CCDC148: variants seen among roughly 807,000 people sequenced by gnomAD.
CCDC148 encodes the protein coiled-coil domain-containing protein 148.
In CCDC148, 89 loss-of-function variants were observed where a neutral mutation model predicts 85.7. That is an observed-to-expected ratio of 1.04 (90% CI 0.87 to 1.24). The LOEUF (loss-of-function observed/expected upper bound fraction) is 1.24. CCDC148 is among the 50% of genes most tolerant of loss of function. CCDC148 has a pLI of 0.00. For synonymous variants in CCDC148, 230 were observed against 213.9 expected (o/e 1.08, Z -0.66); for missense variants, 692 against 671.7 (o/e 1.03, Z -0.33).
intron 1 of CCDC148, among the ~76,000 whole-genome samples, chr2:158,429,757 T>C (rs560735538): frequency 6.6e-6 from 1 of 152,138 alleles, no homozygotes; most frequent in East Asian, 1.9e-4. Flanking sequence ...CTGGACAAAA[T>C]ATATAAAACC....
chr2:158,243,875 A>G (rs747812969), intron 10 of CCDC148, among the ~76,000 whole-genome samples: 4 of 143,904 alleles, frequency 2.8e-5, no homozygotes, highest in Non-Finnish European at 3.0e-5. Context: ...GAAAGAATCC[A>G]GGTGGCACCT....
At chr2:158,310,768 C>A (rs1178529241) in intron 8 of CCDC148, among the ~76,000 whole-genome samples, 1 of 144,550 alleles carries the variant, frequency 6.9e-6, no homozygotes, top group African/African-American at 2.6e-5. Flanking sequence ...ACAGGGCGGC[C>A]GGGCAGAGGC....
chr2:158,388,327 C>G (rs908678344), intron 1 of CCDC148, among the ~76,000 whole-genome samples: 3 of 152,060 alleles, frequency 2.0e-5, no homozygotes, highest in African/African-American at 7.2e-5. Context: ...TAACCAATGA[C>G]AAGGGCAGGG....
chr2:158,285,908 G>C (rs1259344619), intron 9 of CCDC148, among the ~76,000 whole-genome samples: 1 of 151,988 alleles, frequency 6.6e-6, no homozygotes, highest in Non-Finnish European at 1.5e-5. Context: ...CCTTATCAAT[G>C]CTTCTATTCA....
chr2:158,450,069 T>C (rs1395737233), intron 1 of CCDC148, among the ~76,000 whole-genome samples: 1 of 152,082 alleles, frequency 6.6e-6, no homozygotes, highest in Non-Finnish European at 1.5e-5. Flanking sequence ...TAGTAGGTAC[T>C]GTTGTCTTGC....
chr2:158,354,168 C>G (rs998983737), intron 2 of CCDC148, among the ~76,000 whole-genome samples: 1 of 151,728 alleles, frequency 6.6e-6, no homozygotes, highest in Non-Finnish European at 1.5e-5. Flanking sequence ...ATTAAAAGAA[C>G]TAGAAAAGCA....
intron 1 of CCDC148, among the ~76,000 whole-genome samples, chr2:158,363,570 A>G (rs183668574): frequency 2.6e-5 from 4 of 152,338 alleles, no homozygotes; most frequent in East Asian, 3.9e-4. Context: ...AAACCATATG[A>G]TTATCTCAAT....
intron 11 of CCDC148, among the ~76,000 whole-genome samples, chr2:158,191,459 G>C (rs139129565): frequency 1.5e-3 from 223 of 152,136 alleles, no homozygotes; most frequent in Middle Eastern, 6.8e-3. Context: ...AAGAAAGTCA[G>C]TGGAGCAGAA....
chr2:158,340,077 TA>T (rs1173515479), intron 5 of CCDC148, among the ~76,000 whole-genome samples, 164 bp downstream of exon 5: 74 of 152,206 alleles, frequency 4.9e-4, no homozygotes, highest in Non-Finnish European at 9.4e-4. Flanking sequence ...GGCATGTGTT[TA>T]AAATATTTAG....
chr2:158,280,224 G>A (rs534006622), intron 9 of CCDC148, among the ~76,000 whole-genome samples: 1 of 151,982 alleles, frequency 6.6e-6, no homozygotes, highest in African/African-American at 2.4e-5. Flanking sequence ...TCAACTAATG[G>A]GTGAAATAAC....
chr2:158,345,755 G>C (rs1288775038), intron 2 of CCDC148, among the ~76,000 whole-genome samples: 1 of 152,114 alleles, frequency 6.6e-6, no homozygotes, highest in African/African-American at 2.4e-5. Context: ...ATGTGGTCAA[G>C]ATTATAAAGC....
intron 10 of CCDC148, among the ~76,000 whole-genome samples, chr2:158,240,609 G>A (rs1005657339): frequency 1.1e-4 from 16 of 152,126 alleles, no homozygotes; most frequent in Non-Finnish European, 2.2e-4. Context: ...CCATCTCACA[G>A]GGACCTCTCT....
At chr2:158,445,658 A>G (rs1688128232) in intron 1 of CCDC148, among the ~76,000 whole-genome samples, 2 of 152,224 alleles carry the variant, frequency 1.3e-5, no homozygotes, top group South Asian at 4.1e-4. Context: ...AAGATATTCT[A>G]CTAAAACGTT....
intron 9 of CCDC148, among the ~76,000 whole-genome samples, chr2:158,278,790 G>A (rs574640795): frequency 7.2e-5 from 11 of 152,364 alleles, no homozygotes; most frequent in South Asian, 4.1e-4. Flanking sequence ...CTCCCAGCAC[G>A]CGGATGGAGA....
intron 10 of CCDC148, among the ~76,000 whole-genome samples, chr2:158,244,707 T>C (rs893310986): frequency 1.3e-5 from 2 of 152,176 alleles, no homozygotes; most frequent in Non-Finnish European, 2.9e-5. Context: ...CACTTGATAA[T>C]TTTAAGGTCT....
chr2:158,287,955 T>G (rs1331945792), intron 9 of CCDC148, among the ~76,000 whole-genome samples: 1 of 152,222 alleles, frequency 6.6e-6, no homozygotes, highest in Non-Finnish European at 1.5e-5. Flanking sequence ...ATACATCTTC[T>G]GGAACCTAGG....
intron 2 of CCDC148, among the ~76,000 whole-genome samples, chr2:158,346,470 C>G (rs1683000095): frequency 6.6e-6 from 1 of 152,116 alleles, no homozygotes; most frequent in South Asian, 2.1e-4. Context: ...CAGTGATTTC[C>G]TGTACTTGTC....
intron 9 of CCDC148, among the ~76,000 whole-genome samples, chr2:158,282,654 C>T (rs1239098947): frequency 6.6e-6 from 1 of 152,198 alleles, no homozygotes; most frequent in Non-Finnish European, 1.5e-5. Context: ...GAAAAACATT[C>T]CATGCTCATG....
intron 1 of CCDC148, among the ~76,000 whole-genome samples, chr2:158,430,782 G>A (rs984845092): frequency 1.3e-5 from 2 of 151,820 alleles, no homozygotes; most frequent in Non-Finnish European, 2.9e-5. Flanking sequence ...ATAAAACAGA[G>A]AAATGGCAAA....
Sources: gnomAD v4.1 joint callset for allele counts (sites outside exome capture counted in the v4.1 genomes callset) on GRCh38, gnomAD v4.1.1 for gene constraint, MANE v1.5 for transcripts, NCBI Gene and HGNC (gene_info 2026-07-23, HGNC 2026-07-21) for gene names.